LOXL4: variants seen among roughly 807,000 people sequenced by gnomAD.
LOXL4 encodes the protein lysyl oxidase like 4, also known as lysyl oxidase homolog 4.
In LOXL4, 72 loss-of-function variants were observed where a neutral mutation model predicts 89.1. The observed-to-expected ratio is 0.81, with a 90% CI of 0.67 to 0.98. LOXL4 has a LOEUF of 0.98. Among genes scored for constraint, LOXL4 ranks in the 50% least tolerant of loss-of-function variants. The pLI is 0.00. For synonymous variants in LOXL4, 355 were observed against 392.1 expected, an observed-to-expected ratio of 0.91 and a Z score of 1.12; for missense variants, 984 against 1,017.5, an observed-to-expected ratio of 0.97 and a Z score of 0.45.
At position 98,251,597 on chromosome 10, in the gene LOXL4, G is replaced by GT; in HGVS notation, c.2056dup (p.Thr686AsnfsTer19). On this transcript the variant is annotated frameshift_variant, in exon 13 of 15. Coordinates refer to ENST00000260702, the MANE Select transcript of LOXL4 (RefSeq NM_032211.7). LOFTEE classifies it high-confidence loss of function. ...GATATAATTCCCGGGGCCCACATCT[G>GT]TGATATCCACCCACTGGCAATCAAT... is the stretch of plus-strand genomic sequence containing the variant. The GT allele has an allele frequency of 6.2e-7, 1 of 1,614,222 alleles. No individual in the cohort carries two copies. Among genetic ancestry groups the GT allele is most frequent in the Non-Finnish European group, 8.5e-7 (1 of 1,180,038 alleles).
Position 98,258,909 on chromosome 10 carries a change from C to A in LOXL4, c.921+100G>T, listed in dbSNP as rs1049692258. 7 of 874,574 alleles carry A rather than the reference C, an allele frequency of 8.0e-6. No homozygotes were observed. The Admixed American group carries it at 2.1e-4, about 26-fold the overall frequency. 54.2% of individuals were successfully genotyped at this position (874,574 alleles called of 1,614,324 possible). Reference sequence around the variant, plus strand: ...CACTCTCCTCCTCCCAGTCTGGTTCCTCTCTCCTGCGTGTCCTGGACCTCC... The same window carrying A: ...CACTCTCCTCCTCCCAGTCTGGTTCATCTCTCCTGCGTGTCCTGGACCTCC... On this transcript the variant is annotated intron_variant, in intron 6 of 14. Coordinates refer to ENST00000260702, the MANE Select transcript of LOXL4 (RefSeq NM_032211.7).
chr10:98,251,868 AAGAT>A (rs1185426285), intron 12 of LOXL4, among the ~76,000 whole-genome samples, 166 bp from the exon 13 acceptor site: 4 of 152,224 alleles, frequency 2.6e-5, no homozygotes, highest in Non-Finnish European at 5.9e-5. Context: ...CATTGTGACA[AAGAT>A]AGGATTTGTT....
At chr10:98,258,580 G>A (rs570851566) in intron 6 of LOXL4, among the ~76,000 whole-genome samples, 2 of 151,872 alleles carry the variant, frequency 1.3e-5, no homozygotes, top group Non-Finnish European at 2.9e-5. Flanking sequence ...GGCCATCTCA[G>A]TGTGGCGCTG....
chr10:98,257,683 C>T lies in LOXL4; in HGVS notation c.1227G>A (p.Arg409=), dbSNP rs572139497. Residue 409 remains arginine (R), a synonymous_variant, in exon 8 of 15, where the codon AGG becomes AGA. Transcript: ENST00000260702. ...GCQHENDAAV[R]CNVPNMGFQN... ...GAAAGCCCATGTTAGGGACATTGCA[C>T]CTGACAGCAGCATCATTCTCATGTT... The T allele has an allele frequency of 6.2e-7, 1 of 1,614,028 alleles. No individual in the cohort carries two copies. The highest frequency in any genetic ancestry group is 1.1e-5 in the South Asian group (1 of 91,078).
Position 98,262,186 on chromosome 10 carries a change from C to T in LOXL4, c.305G>A (p.Cys102Tyr), listed in dbSNP as rs750133205. ...GTCCAAGGAGCTCTCTGTGCCCACACAGCGCACATTGTCCAGCCAGATGGG... is the reference window on the plus strand; with the variant it reads ...GTCCAAGGAGCTCTCTGTGCCCACATAGCGCACATTGTCCAGCCAGATGGG... ...EGPIWLDNVR[C>Y]VGTESSLDQC... is the part of the protein sequence containing the mutation. Residue 102 changes from cysteine (C) to tyrosine (Y), a missense_variant, in exon 3 of 15, where the codon TGT becomes TAT. Transcript: ENST00000260702. 1 of 1,613,660 alleles carries T rather than the reference C, an allele frequency of 6.2e-7. No individual in the cohort carries two copies. The highest frequency in any genetic ancestry group is 8.5e-7 in the Non-Finnish European group (1 of 1,180,034).
intron 1 of LOXL4, among the ~76,000 whole-genome samples, chr10:98,267,776 CGTAA>C (rs1397277005): frequency 2.6e-5 from 4 of 152,204 alleles, no homozygotes; most frequent in Admixed American, 1.3e-4. Flanking sequence ...TCCCCCAAGT[CGTAA>C]GTGTGACATC....
At chr10:98,256,629 G>A (rs1340502248) in intron 9 of LOXL4, 151 bp downstream of exon 9, 2 of 815,202 alleles carry the variant, frequency 2.5e-6, no homozygotes, top group Non-Finnish European at 2.0e-6. Flanking sequence ...TTACCACACT[G>A]TTCCCAGCAC....
chr10:98,259,133 G>C lies in LOXL4; in HGVS notation c.797C>G (p.Ala266Gly), dbSNP rs374237596. 8 of 1,610,978 alleles carry C rather than the reference G, an allele frequency of 5.0e-6. No homozygotes were observed. The African/African-American group carries it at 1.1e-4, about 22-fold the overall frequency. Residue 266 changes from alanine (A) to glycine (G), a missense_variant, in exon 6 of 15, where the codon GCT becomes GGT. Coordinates refer to ENST00000260702, the MANE Select transcript of LOXL4 (RefSeq NM_032211.7). ...TGGCCGCAGCTTGCCCCGGGCTGGAGCCACCTGCACCTGGCAGTTGGCCAT... is the reference window on the plus strand; with the variant it reads ...TGGCCGCAGCTTGCCCCGGGCTGGACCCACCTGCACCTGGCAGTTGGCCAT... ...PHMANCQVQV[A>G]PARGKLRPAC... is the part of the protein sequence containing the mutation.
chr10:98,249,623 A>G (rs1858130692), intron 14 of LOXL4, among the ~76,000 whole-genome samples: 1 of 152,202 alleles, frequency 6.6e-6, no homozygotes, highest in African/African-American at 2.4e-5. Flanking sequence ...CTCTCACCCG[A>G]GTGTGCCTTC....
In LOXL4 at chr10:98,253,820, G is replaced by A. The variant is rs571899971; in HGVS notation, c.1592-24C>T. On this transcript the variant is annotated intron_variant, in intron 10 of 14. Transcript: ENST00000260702. ...ACCTGGGGCGGCGGAGGGCATGGCA[G>A]TGACTCAAAGGGTGGAAAGGCAGCC... 5.0e-5 allele frequency: 80 copies of A among 1,612,874 alleles called. 2 individuals are homozygous for A. In the South Asian group the frequency reaches 8.1e-4, roughly 16 times the overall value.
In LOXL4 at chr10:98,261,131, C is replaced by T. The variant is rs115349169; in HGVS notation, c.457-4G>A. The T allele has an allele frequency of 1.1e-3, 1,817 of 1,610,092 alleles. 10 individuals carry two copies. The African/African-American group carries it at 0.022, about 19-fold the overall frequency. ...GCACCTCCTCCAGCCGCCGGCCCTG[C>T]GGGGTGCACAGTCACCTGTGGGCCT... is the stretch of plus-strand genomic sequence containing the variant. On this transcript the variant is annotated splice_polypyrimidine_tract_variant and splice_region_variant and intron_variant, in intron 3 of 14. Transcript: ENST00000260702.
chr10:98,261,022 G>A lies in LOXL4; in HGVS notation c.562C>T (p.Arg188Trp), dbSNP rs143632488. 9.8e-4 allele frequency: 1,584 copies of A among 1,614,040 alleles called. 18 individuals are homozygous for A. In the South Asian group the frequency reaches 0.016, roughly 16 times the overall value. ...AVEVKYEGHW[R>W]QVCDQGWTMN... The stretch of plus-strand genomic sequence containing the variant: ...GTCCAGCCCTGGTCACACACCTGCC[G>A]CCAGTGGCCCTCATACTTCACCTCC... The change falls in exon 4 of 15, where the codon CGG (arginine) becomes TGG (tryptophan). Residue 188 changes from arginine (R) to tryptophan (W), a missense_variant. By Grantham distance (101) the Arg-to-Trp change is moderately radical. Coordinates refer to ENST00000260702, the MANE Select transcript of LOXL4 (RefSeq NM_032211.7).
chr10:98,253,198 C>T (rs1460327902), intron 11 of LOXL4, among the ~76,000 whole-genome samples: 1 of 152,206 alleles, frequency 6.6e-6, no homozygotes, highest in Admixed American at 6.5e-5. Context: ...ATTTTGGGCC[C>T]CCAGGTTCCT....
At chr10:98,249,961 C>T (rs745426169) in intron 14 of LOXL4, among the ~76,000 whole-genome samples, 4 of 152,250 alleles carry the variant, frequency 2.6e-5, no homozygotes, top group African/African-American at 4.8e-5. Flanking sequence ...GCCTCCTTGA[C>T]TGAAATTTGT....
rs1564761482 is a variant in LOXL4, at chr10:98,261,957, C to G, written c.456+78G>C. ...TGCACCCTTTCCCCTCGCTTATCCT[C>G]TAGGCCCGTCTTCTGGGAGGCTCTC... On this transcript the variant is annotated intron_variant, in intron 3 of 14. Coordinates refer to ENST00000260702, the MANE Select transcript of LOXL4 (RefSeq NM_032211.7). The G allele has an allele frequency of 2.8e-6, 4 of 1,428,050 alleles. No individual in the cohort carries two copies. The East Asian group carries it at 9.7e-5, about 35-fold the overall frequency. The allele number at this position is 1,428,050 out of a possible 1,614,324, so 88.5% of individuals were successfully genotyped here. A position where few individuals can be genotyped will look rare whatever the true frequency, so the allele number is the denominator to read the frequency against.
chr10:98,258,843 T>G (rs529234985), intron 6 of LOXL4, among the ~76,000 whole-genome samples, 166 bp downstream of exon 6: 1 of 152,296 alleles, frequency 6.6e-6, no homozygotes, highest in South Asian at 2.1e-4. Context: ...CTATAAATGA[T>G]CCCTTTTAAA....
chr10:98,251,057 G>T lies in LOXL4; in HGVS notation c.2200+8C>A. On this transcript the variant is annotated splice_region_variant and intron_variant, in intron 14 of 14. Coordinates refer to ENST00000260702, the MANE Select transcript of LOXL4 (RefSeq NM_032211.7). ...TAGATGGCTGATTCCACAGTGGCTCGGAGTTACCTGTGTGGCAGTTGTGCA... is the reference window on the plus strand; with the variant it reads ...TAGATGGCTGATTCCACAGTGGCTCTGAGTTACCTGTGTGGCAGTTGTGCA... 6.2e-7 allele frequency: 1 copy of T among 1,604,520 alleles called. No homozygotes were observed.
intron 4 of LOXL4, among the ~76,000 whole-genome samples, chr10:98,260,399 G>C (rs1858502580): frequency 6.6e-6 from 1 of 151,650 alleles, no homozygotes; most frequent in Non-Finnish European, 1.5e-5. Context: ...GGGTGTCACT[G>C]CAAGTATCTG....
At chr10:98,262,292 T>C in intron 2 of LOXL4, 79 bp from the exon 3 acceptor site, 1 of 1,468,092 alleles carries the variant, frequency 6.8e-7, no homozygotes, top group South Asian at 1.2e-5. Context: ...GACCCCACAC[T>C]TACCAAGTCA....
Sources: gnomAD v4.1 joint callset for allele counts (sites outside exome capture counted in the v4.1 genomes callset) on GRCh38, gnomAD v4.1.1 for gene constraint, MANE v1.5 for transcripts, NCBI Gene and HGNC (gene_info 2026-07-23, HGNC 2026-07-21) for gene names.